The following SUCLA2 variants were observed in gnomAD, a reference collection of about 807,000 sequenced individuals.
SUCLA2 encodes the protein succinate-CoA ligase ADP-forming subunit beta, also known as succinate--CoA ligase [ADP-forming] subunit beta, mitochondrial.
In SUCLA2, 30 loss-of-function variants were observed where a neutral mutation model predicts 54.8. The ratio of observed to expected loss-of-function variants is 0.55; its 90% CI spans 0.41 to 0.74. The LOEUF is 0.74. SUCLA2 is among the 30% of genes least tolerant of loss of function. SUCLA2 has a pLI of 0.00. For synonymous variants in SUCLA2, 172 were observed against 188.9 expected (o/e 0.91, Z 0.74); for missense variants, 476 against 562.9 (o/e 0.85, Z 1.56).
At chr13:47,964,662 C>CCTGG (rs1949902416) in intron 6 of SUCLA2, among the ~76,000 whole-genome samples, 1 of 152,034 alleles carries the variant, frequency 6.6e-6, no homozygotes, top group Non-Finnish European at 1.5e-5. Context: ...TCGAGACCAT[C>CCTGG]CTGGCTAACA....
intron 8 of SUCLA2, 142 bp downstream of exon 8, chr13:47,953,998 A>G: frequency 1.4e-6 from 1 of 733,208 alleles, no homozygotes; most frequent in Admixed American, 4.1e-5. Context: ...TCTTCAAGAT[A>G]TGATAGCAAA....
chr13:47,943,574 A>G (rs1949702325), intron 10 of SUCLA2, 129 bp from the exon 11 acceptor site: 1 of 786,728 alleles, frequency 1.3e-6, no homozygotes, highest in Admixed American at 2.1e-5. Context: ...TATAAATCAC[A>G]TTACGTTCTT....
chr13:47,962,592 C>A (rs116934605), intron 6 of SUCLA2, among the ~76,000 whole-genome samples: 1 of 152,084 alleles, frequency 6.6e-6, no homozygotes, highest in African/African-American at 2.4e-5. Flanking sequence ...AAGTGGTACA[C>A]CAGAGAGAGA....
chr13:47,984,507 T>C (rs1233749484), intron 4 of SUCLA2, among the ~76,000 whole-genome samples: 1 of 152,156 alleles, frequency 6.6e-6, no homozygotes, highest in Admixed American at 6.5e-5. Flanking sequence ...CAGCCCTACT[T>C]TTCACTTTCT....
intron 10 of SUCLA2, among the ~76,000 whole-genome samples, chr13:47,943,829 G>C (rs1431464613): frequency 6.7e-6 from 1 of 148,178 alleles, no homozygotes; most frequent in African/African-American, 2.5e-5. Context: ...GTCTTTGTTG[G>C]ATACTCCACA....
chr13:47,988,222 T>C (rs1712905523), intron 4 of SUCLA2: 1 of 393,446 alleles, frequency 2.5e-6, no homozygotes, highest in South Asian at 5.8e-5. Flanking sequence ...TATTTTACTA[T>C]GCTAGATATA....
intron 5 of SUCLA2, among the ~76,000 whole-genome samples, chr13:47,969,702 G>C (rs576882021): frequency 9.2e-5 from 14 of 152,160 alleles, no homozygotes; most frequent in Non-Finnish European, 1.9e-4. Context: ...ATCTAAGGTT[G>C]TAACACATTC....
At chr13:47,963,214 AT>A (rs1949886569) in intron 6 of SUCLA2, among the ~76,000 whole-genome samples, 1 of 152,250 alleles carries the variant, frequency 6.6e-6, no homozygotes, top group Admixed American at 6.5e-5. Context: ...GAATAACTAT[AT>A]TGAAGCTAAT....
chr13:47,984,285 C>T (rs1483099609), intron 4 of SUCLA2, among the ~76,000 whole-genome samples: 1 of 151,880 alleles, frequency 6.6e-6, no homozygotes, highest in Non-Finnish European at 1.5e-5. Context: ...GCTCCGTCTC[C>T]TGAGTTCATG....
intron 4 of SUCLA2, among the ~76,000 whole-genome samples, chr13:47,979,260 C>T (rs754421199): frequency 6.6e-5 from 10 of 152,010 alleles, no homozygotes; most frequent in Non-Finnish European, 8.8e-5. Flanking sequence ...CAGTGATAGA[C>T]GGGATAAAGA....
chr13:47,959,033 T>C (rs1034064279), intron 6 of SUCLA2, among the ~76,000 whole-genome samples: 17 of 152,312 alleles, frequency 1.1e-4, no homozygotes, highest in Admixed American at 1.0e-3. Flanking sequence ...TTTCTAAAAA[T>C]TGTGGAACTG....
chr13:47,955,022 C>T (rs1371142945), intron 6 of SUCLA2, among the ~76,000 whole-genome samples: 1 of 151,848 alleles, frequency 6.6e-6, no homozygotes, highest in Non-Finnish European at 1.5e-5. Flanking sequence ...GTTTTATTTC[C>T]TCACCTTAAT....
At chr13:47,971,948 A>G in intron 5 of SUCLA2, 1 of 398,454 alleles carries the variant, frequency 2.5e-6, no homozygotes, top group Non-Finnish European at 4.4e-6. Context: ...TATGAGACTT[A>G]TCAGTCAACA....
chr13:47,993,449 TATTAGA>T (rs1458780553), intron 2 of SUCLA2, among the ~76,000 whole-genome samples: 1 of 152,220 alleles, frequency 6.6e-6, no homozygotes, highest in East Asian at 1.9e-4. Flanking sequence ...TCTTTTAAAA[TATTAGA>T]ATTAGATTTC....
intron 6 of SUCLA2, among the ~76,000 whole-genome samples, chr13:47,964,748 T>C (rs11617645): frequency 6.6e-6 from 1 of 151,958 alleles, no homozygotes; most frequent in Non-Finnish European, 1.5e-5. Flanking sequence ...TCCCAGCTGC[T>C]TGGGAGGCTG....
intron 4 of SUCLA2, among the ~76,000 whole-genome samples, chr13:47,981,886 G>A (rs1295093468): frequency 6.6e-6 from 1 of 152,194 alleles, no homozygotes; most frequent in East Asian, 1.9e-4. Context: ...TCAGGAGGCT[G>A]AGGGAGAAGA....
Position 47,981,441 on chromosome 13 carries a change from A to C in SUCLA2, c.534+7100T>G, listed in dbSNP as rs548171024. ...TAATCTCACACCCTTTAGGATGGCC[A>C]CTACCAAAAAAACAGAAAATGAATA... is the stretch of plus-strand genomic sequence containing the variant. On this transcript the variant is annotated intron_variant, in intron 4 of 10. Coordinates refer to ENST00000646932, the MANE Select transcript of SUCLA2 (RefSeq NM_003850.3). Among the ~76,000 whole-genome samples the C allele has an allele frequency of 1.1e-4, 16 of 152,364 alleles. No individual in the cohort carries two copies. In the East Asian group the frequency reaches 3.1e-3, roughly 29 times the overall value.
At chr13:47,954,700 T>C (rs1303587769) in intron 6 of SUCLA2, 143 bp from the exon 7 acceptor site, 8 of 967,006 alleles carry the variant, frequency 8.3e-6, no homozygotes, top group Non-Finnish European at 1.2e-5. Flanking sequence ...ATGTTCACTA[T>C]GAATTCAAAC....
intron 2 of SUCLA2, among the ~76,000 whole-genome samples, chr13:47,995,916 A>G (rs116212483): frequency 0.011 from 1,711 of 152,358 alleles, 37 homozygotes; most frequent in African/African-American, 0.038. Context: ...GAATCTGCTA[A>G]TAAACATGGG....
Sources: gnomAD v4.1 joint callset for allele counts (sites outside exome capture counted in the v4.1 genomes callset) on GRCh38, gnomAD v4.1.1 for gene constraint, MANE v1.5 for transcripts, NCBI Gene and HGNC (gene_info 2026-07-23, HGNC 2026-07-21) for gene names.